The following ZNF804B variants were observed in gnomAD, a reference collection of about 807,000 sequenced individuals.
ZNF804B encodes the protein zinc finger 804B.
In ZNF804B, 80 loss-of-function variants were observed where a neutral mutation model predicts 101.4. The observed-to-expected ratio is 0.79, with a 90% CI of 0.66 to 0.95. The LOEUF (loss-of-function observed/expected upper bound fraction) is 0.95. Among genes scored for constraint, ZNF804B ranks in the 40% least tolerant of loss-of-function variants. ZNF804B has a pLI of 0.00. For synonymous variants in ZNF804B, 622 were observed against 558.8 expected (o/e 1.11, Z -1.59); for missense variants, 1,673 against 1,561.9 (o/e 1.07, Z -1.20).
At chr7:89,282,761 C>T (rs910999355) in intron 2 of ZNF804B, among the ~76,000 whole-genome samples, 2 of 152,062 alleles carry the variant, frequency 1.3e-5, no homozygotes, top group Admixed American at 1.3e-4. Flanking sequence ...TTTTCTGGTG[C>T]GATCATGGAG....
At chr7:88,815,929 C>G (rs1562801543) in intron 1 of ZNF804B, among the ~76,000 whole-genome samples, 1 of 152,140 alleles carries the variant, frequency 6.6e-6, no homozygotes, top group Non-Finnish European at 1.5e-5. Context: ...CATTCTTTCT[C>G]AAAATGTGGA....
At chr7:89,142,264 T>C (rs1790728837) in intron 1 of ZNF804B, among the ~76,000 whole-genome samples, 1 of 151,718 alleles carries the variant, frequency 6.6e-6, no homozygotes, top group Admixed American at 6.6e-5. Context: ...GGTTTCTTTT[T>C]TGTTTGTTTG....
At chr7:89,140,292 C>G (rs1790696480) in intron 1 of ZNF804B, among the ~76,000 whole-genome samples, 1 of 151,902 alleles carries the variant, frequency 6.6e-6, no homozygotes. Flanking sequence ...CTTAGTGGCT[C>G]TAGCATTTTC....
intron 1 of ZNF804B, among the ~76,000 whole-genome samples, chr7:89,021,971 C>T (rs1788674765): frequency 6.6e-6 from 1 of 152,172 alleles, no homozygotes; most frequent in African/African-American, 2.4e-5. Context: ...GGGCTCAGGG[C>T]TTTCAAGGAC....
chr7:89,092,123 G>C (rs539048466), intron 1 of ZNF804B, among the ~76,000 whole-genome samples: 1 of 151,816 alleles, frequency 6.6e-6, no homozygotes, highest in South Asian at 2.1e-4. Flanking sequence ...GTGGTGTCTG[G>C]TGAGGGCCCT....
rs903367595 is a variant in ZNF804B at position 88,906,529 on chromosome 7, C to T, written c.108+146445C>T. ...ATTCAGGAGCAAGTTGTTTAATTTC[C>T]ATGTGTTTATGTAGTTTTGGGAGAT... On this transcript the variant is annotated intron_variant, in intron 1 of 3. Transcript: ENST00000333190. Among the ~76,000 whole-genome samples the T allele has an allele frequency of 4.6e-5, 7 of 151,990 alleles. No homozygotes were observed. In the South Asian group the frequency reaches 1.5e-3, roughly 32 times the overall value.
intron 1 of ZNF804B, among the ~76,000 whole-genome samples, chr7:88,856,364 A>G (rs193148294): frequency 6.6e-6 from 1 of 152,250 alleles, no homozygotes; most frequent in East Asian, 1.9e-4. Context: ...TTCTCTTTGA[A>G]GCAACTGTGA....
chr7:88,822,348 G>C (rs772454846), intron 1 of ZNF804B, among the ~76,000 whole-genome samples: 20 of 152,024 alleles, frequency 1.3e-4, no homozygotes, highest in Non-Finnish European at 2.5e-4. Flanking sequence ...TTGGTTTCTT[G>C]TTTATCGAGT....
At chr7:89,057,551 A>C (rs527804481) in intron 1 of ZNF804B, among the ~76,000 whole-genome samples, 8 of 152,202 alleles carry the variant, frequency 5.3e-5, no homozygotes, top group South Asian at 4.2e-4. Flanking sequence ...TACCATTCGA[A>C]GTCACTGCTG....
chr7:88,813,960 A>G (rs1321730994), intron 1 of ZNF804B, among the ~76,000 whole-genome samples: 1 of 152,206 alleles, frequency 6.6e-6, no homozygotes, highest in Non-Finnish European at 1.5e-5. Context: ...CTTGACATGC[A>G]TAGCCAATGC....
intron 1 of ZNF804B, among the ~76,000 whole-genome samples, chr7:89,206,360 C>G (rs978803975): frequency 2.0e-5 from 3 of 152,170 alleles, no homozygotes; most frequent in African/African-American, 7.2e-5. Flanking sequence ...GTTTTATTTT[C>G]TATTGAATTA....
intron 2 of ZNF804B, among the ~76,000 whole-genome samples, chr7:89,272,259 G>C (rs917251433): frequency 2.6e-5 from 4 of 151,960 alleles, no homozygotes; most frequent in African/African-American, 9.7e-5. Context: ...CTAGCACATA[G>C]CAAATGGTCA....
intron 1 of ZNF804B, among the ~76,000 whole-genome samples, chr7:89,047,411 G>T (rs1288463936): frequency 3.9e-5 from 6 of 152,002 alleles, no homozygotes. Context: ...ATAATGATTG[G>T]CATTTGTTAC....
At chr7:88,845,314 C>CACACACACACACA (rs1348340140) in intron 1 of ZNF804B, among the ~76,000 whole-genome samples, 1 of 152,020 alleles carries the variant, frequency 6.6e-6, no homozygotes, top group Non-Finnish European at 1.5e-5. Flanking sequence ...CACACACACA[C>CACACACACACACA]ACACACAATA....
chr7:88,890,547 G>C (rs1281655252), intron 1 of ZNF804B, among the ~76,000 whole-genome samples: 1 of 152,138 alleles, frequency 6.6e-6, no homozygotes, highest in Non-Finnish European at 1.5e-5. Flanking sequence ...GATATTGTCA[G>C]GTTGGATTTT....
intron 1 of ZNF804B, among the ~76,000 whole-genome samples, chr7:89,066,406 TATA>T (rs1789455612): frequency 6.6e-6 from 1 of 151,956 alleles, no homozygotes; most frequent in South Asian, 2.1e-4. Context: ...AACTCTTAAG[TATA>T]TAGGGAGTGG....
At chr7:89,144,307 T>A (rs964061167) in intron 1 of ZNF804B, among the ~76,000 whole-genome samples, 5 of 152,058 alleles carry the variant, frequency 3.3e-5, no homozygotes, top group African/African-American at 1.2e-4. Flanking sequence ...AGATCTGGAT[T>A]AATATGCATT....
intron 1 of ZNF804B, among the ~76,000 whole-genome samples, chr7:88,837,715 T>C (rs1375770167): frequency 6.6e-6 from 1 of 151,860 alleles, no homozygotes; most frequent in Admixed American, 6.6e-5. Flanking sequence ...ATTAAAATAT[T>C]CCTCTTTTTC....
chr7:89,012,583 C>T (rs1461660907), intron 1 of ZNF804B, among the ~76,000 whole-genome samples: 1 of 152,168 alleles, frequency 6.6e-6, no homozygotes, highest in African/African-American at 2.4e-5. Context: ...CTTTGCTCCA[C>T]TTCCCAAGAA....
Sources: allele counts gnomAD v4.1 joint callset (sites outside exome capture counted in the v4.1 genomes callset), GRCh38; gene constraint gnomAD v4.1.1; transcripts MANE v1.5; gene names NCBI Gene and HGNC (gene_info 2026-07-23, HGNC 2026-07-21).